The following KLHL18 variants were observed in gnomAD, a reference collection of about 807,000 sequenced individuals.
KLHL18 encodes kelch like family member 18.
Under a neutral mutation model 58.5 loss-of-function variants are expected in KLHL18, and 38 were observed. That is an observed-to-expected ratio of 0.65 (90% confidence interval 0.50 to 0.85). KLHL18 has a LOEUF of 0.85. Among genes scored for constraint, KLHL18 ranks in the 40% least tolerant of loss-of-function variants. The probability of loss-of-function intolerance (pLI) is 0.00; values close to 1 mark genes in which losing one functional copy is unlikely to be tolerated. For missense variants in KLHL18, 624 were observed against 778.4 expected (o/e 0.80, Z 2.36); for synonymous variants, 303 against 301.9 (o/e 1.00, Z -0.04).
intron 1 of KLHL18, among the ~76,000 whole-genome samples, chr3:47,284,244 CTG>C (rs1312367761): frequency 6.6e-6 from 1 of 150,922 alleles, no homozygotes; most frequent in East Asian, 2.2e-4. Context: ...CTATTTCTCT[CTG>C]TCTCTCTCAC....
intron 1 of KLHL18, among the ~76,000 whole-genome samples, chr3:47,291,945 G>A (rs1295153882): frequency 6.6e-6 from 1 of 152,222 alleles, no homozygotes; most frequent in Non-Finnish European, 1.5e-5. Context: ...TGTTTCCAAA[G>A]TCTTAACTAA....
chr3:47,327,103 G>T (rs1413918947), intron 3 of KLHL18, among the ~76,000 whole-genome samples: 1 of 152,050 alleles, frequency 6.6e-6, no homozygotes, highest in Non-Finnish European at 1.5e-5. Flanking sequence ...GCCGGCCGTG[G>T]TGGCGCACGC....
intron 9 of KLHL18, 79 bp from the exon 10 acceptor site, chr3:47,343,476 G>A (rs1704154695): frequency 2.6e-6 from 4 of 1,525,176 alleles, no homozygotes; most frequent in East Asian, 2.3e-5. Context: ...ATGGGGGGCT[G>A]CTGTGCCCTG....
chr3:47,314,641 T>G (rs146970306), intron 1 of KLHL18, among the ~76,000 whole-genome samples: 1 of 152,330 alleles, frequency 6.6e-6, no homozygotes, highest in Non-Finnish European at 1.5e-5. Context: ...CACTTAGCTC[T>G]TATTCTTTAT....
At chr3:47,329,923 A>AT (rs758333312) in intron 3 of KLHL18, 28 bp from the exon 4 acceptor site, 9,470 of 1,382,908 alleles carry the variant, frequency 6.8e-3, no homozygotes, top group Non-Finnish European at 8.0e-3. Flanking sequence ...TCTTCCTCTA[A>AT]TTTTTTTTTT....
At chr3:47,320,551 CTG>C (rs1242338631) in intron 2 of KLHL18, among the ~76,000 whole-genome samples, 1 of 152,128 alleles carries the variant, frequency 6.6e-6, no homozygotes, top group African/African-American at 2.4e-5. Context: ...AGCTAGGAGA[CTG>C]TGTGTTACCC....
At chr3:47,309,461 G>A (rs968577385) in intron 1 of KLHL18, among the ~76,000 whole-genome samples, 14 of 151,698 alleles carry the variant, frequency 9.2e-5, no homozygotes, top group Non-Finnish European at 1.5e-4. Context: ...AGACGGGGCG[G>A]CAGGGCAGAG....
At chr3:47,289,845 A>G (rs925228647) in intron 1 of KLHL18, among the ~76,000 whole-genome samples, 20 of 152,318 alleles carry the variant, frequency 1.3e-4, no homozygotes. Flanking sequence ...ATGTGAATGC[A>G]TGGACATAGA....
At chr3:47,299,934 C>G (rs1418828946) in intron 1 of KLHL18, among the ~76,000 whole-genome samples, 1 of 148,754 alleles carries the variant, frequency 6.7e-6, no homozygotes, top group African/African-American at 2.5e-5. Context: ...ACTGTAACAT[C>G]AAACCTTATC....
chr3:47,298,498 G>A (rs77017436), intron 1 of KLHL18, among the ~76,000 whole-genome samples: 3 of 152,092 alleles, frequency 2.0e-5, no homozygotes, highest in South Asian at 2.1e-4. Flanking sequence ...TCATTTATTC[G>A]ACAAATACTG....
At position 47,284,253 on chromosome 3, in the gene KLHL18, T is replaced by TCACA. The variant is rs142212788; in HGVS notation, c.129+1176_129+1179dup. Among the ~76,000 whole-genome samples the TCACA allele has an allele frequency of 2.0e-3, 293 of 148,444 alleles. 1 individual carries two copies. The highest frequency in any genetic ancestry group is 2.8e-3 in the Non-Finnish European group (186 of 66,850). ...TTTCTCCTATTTCTCTCTGTCTCTC[T>TCACA]CACACACACACACACACACAAATAA... is the stretch of plus-strand genomic sequence containing the variant. On this transcript the variant is annotated intron_variant, in intron 1 of 9. Coordinates refer to ENST00000232766, the MANE Select transcript of KLHL18 (RefSeq NM_025010.5).
Position 47,344,211 on chromosome 3 carries a change from A to T in KLHL18, c.*270A>T, listed in dbSNP as rs1407337270. The stretch of plus-strand genomic sequence containing the variant: ...GAACTGTTTTCTGGTCCACATGAAC[A>T]CAGGCTCCATCCAGGCCCAGCTCCT... On this transcript the variant is annotated 3_prime_UTR_variant, in exon 10 of 10. Coordinates refer to ENST00000232766, the MANE Select transcript of KLHL18 (RefSeq NM_025010.5). 5 of 497,254 alleles carry T rather than the reference A, an allele frequency of 1.0e-5. No homozygotes were observed. The highest frequency in any genetic ancestry group is 1.4e-5 in the Non-Finnish European group (4 of 281,288). The allele number at this position is 497,254 out of a possible 1,614,324, so 30.8% of individuals were successfully genotyped here.
intron 1 of KLHL18, 100 bp downstream of exon 1, chr3:47,283,194 G>C: frequency 9.0e-7 from 1 of 1,117,120 alleles, no homozygotes; most frequent in Admixed American, 2.2e-5. Context: ...AGGGAGAGGG[G>C]TGGGGAGAAG....
At chr3:47,308,159 C>CTTAA (rs1340477088) in intron 1 of KLHL18, among the ~76,000 whole-genome samples, 2 of 151,626 alleles carry the variant, frequency 1.3e-5, no homozygotes, top group Non-Finnish European at 2.9e-5. Context: ...AAAGCTTAGT[C>CTTAA]TTAACCCCAC....
chr3:47,313,139 G>A (rs1458725935), intron 1 of KLHL18, among the ~76,000 whole-genome samples: 2 of 151,158 alleles, frequency 1.3e-5, no homozygotes, highest in Admixed American at 6.6e-5. Flanking sequence ...TCGATCTTCC[G>A]ACCTTGTGAT....
At position 47,344,284 on chromosome 3, in the gene KLHL18, T is replaced by C; in HGVS notation, c.*343T>C. On this transcript the variant is annotated 3_prime_UTR_variant, in exon 10 of 10. Transcript: ENST00000232766. Reference sequence around the variant, plus strand: ...AGCTGTTCACAGAAGGCCTTCCATCTGATGCTCCCCATCGCCTGCTTGCTC... The same window carrying C: ...AGCTGTTCACAGAAGGCCTTCCATCCGATGCTCCCCATCGCCTGCTTGCTC... 1 of 334,432 alleles carries C rather than the reference T, an allele frequency of 3.0e-6. No homozygotes were observed. The allele number at this position is 334,432 out of a possible 1,614,324, so 20.7% of individuals were successfully genotyped here. A position where few individuals can be genotyped will look rare whatever the true frequency, so the allele number is the denominator to read the frequency against.
At chr3:47,321,868 G>A (rs1253430350) in intron 2 of KLHL18, among the ~76,000 whole-genome samples, 1 of 152,178 alleles carries the variant, frequency 6.6e-6, no homozygotes, top group East Asian at 1.9e-4. Flanking sequence ...TGGGGGAAGA[G>A]CCCTCCAAAC....
At chr3:47,335,359 C>A (rs956502790) in intron 6 of KLHL18, among the ~76,000 whole-genome samples, 3 of 152,148 alleles carry the variant, frequency 2.0e-5, no homozygotes, top group African/African-American at 7.2e-5. Context: ...CTCTTCAGCC[C>A]CACCCCCTGT....
At position 47,333,679 on chromosome 3, in the gene KLHL18, C is replaced by T. The variant is rs1242299206; in HGVS notation, c.761+362C>T. 2.0e-5 allele frequency among the ~76,000 whole-genome samples: 3 copies of T among 152,376 alleles called. No individual in the cohort carries two copies. In the South Asian group the frequency reaches 6.2e-4, roughly 32 times the overall value. On this transcript the variant is annotated intron_variant, in intron 5 of 9. Transcript: ENST00000232766. Reference sequence around the variant, plus strand: ...AGCTCACTCAGTGGCGCAAATGGGACTTCCTGGGGCTCATTGCCCTCTTCA... The same window carrying T: ...AGCTCACTCAGTGGCGCAAATGGGATTTCCTGGGGCTCATTGCCCTCTTCA...
Sources: gnomAD v4.1 joint callset for allele counts (sites outside exome capture counted in the v4.1 genomes callset) on GRCh38, gnomAD v4.1.1 for gene constraint, MANE v1.5 for transcripts, NCBI Gene and HGNC (gene_info 2026-07-23, HGNC 2026-07-21) for gene names.